RBFOX1: variants seen among roughly 807,000 people sequenced by gnomAD.
RBFOX1 encodes RNA binding fox-1 homolog 1, also known as RNA binding protein fox-1 homolog 1.
Under a neutral mutation model 57.7 loss-of-function variants are expected in RBFOX1, and 8 were observed. That is an observed-to-expected ratio of 0.14 (90% CI 0.08 to 0.25). The LOEUF (loss-of-function observed/expected upper bound fraction) is 0.25. Among genes scored for constraint, RBFOX1 ranks in the 10% least tolerant of loss-of-function variants. The probability of loss-of-function intolerance (pLI) is 1.00; values close to 1 mark genes in which losing one functional copy is unlikely to be tolerated. For synonymous variants in RBFOX1, 326 were observed against 222.4 expected, an observed-to-expected ratio of 1.47 and a Z score of -4.15; for missense variants, 611 against 548.5, an observed-to-expected ratio of 1.11 and a Z score of -1.14.
intron 4 of RBFOX1, among the ~76,000 whole-genome samples, chr16:7,156,239 C>T (rs970952229): frequency 2.7e-5 from 4 of 147,956 alleles, no homozygotes; most frequent in African/African-American, 1.0e-4. Flanking sequence ...TATACACACA[C>T]ATATATATGT....
At chr16:7,189,717 C>A (rs1014304016) in intron 4 of RBFOX1, among the ~76,000 whole-genome samples, 3 of 152,230 alleles carry the variant, frequency 2.0e-5, no homozygotes, top group Non-Finnish European at 4.4e-5. Context: ...CTGATGGGGT[C>A]TAGGTCAGCA....
chr16:7,288,153 A>G (rs1277001908), intron 4 of RBFOX1, among the ~76,000 whole-genome samples: 1 of 152,152 alleles, frequency 6.6e-6, no homozygotes, highest in Non-Finnish European at 1.5e-5. Context: ...GGTTTAAGAT[A>G]CCCACAAGCA....
At chr16:7,338,026 A>G (rs1395303159) in intron 4 of RBFOX1, among the ~76,000 whole-genome samples, 1 of 152,134 alleles carries the variant, frequency 6.6e-6, no homozygotes, top group Non-Finnish European at 1.5e-5. Context: ...TGCATCATTT[A>G]CCATTCCTTT....
At chr16:7,705,203 A>G (rs2082046143) in intron 14 of RBFOX1, among the ~76,000 whole-genome samples, 2 of 151,744 alleles carry the variant, frequency 1.3e-5, no homozygotes, top group Admixed American at 1.3e-4. Context: ...TGTGTGCAGG[A>G]ACGATCAAGA....
chr16:6,839,009 G>A (rs1162879654), intron 3 of RBFOX1, among the ~76,000 whole-genome samples: 3 of 151,186 alleles, frequency 2.0e-5, no homozygotes, highest in South Asian at 2.1e-4. Flanking sequence ...TTTTGTGACC[G>A]AGTCTTGCTC....
At chr16:7,594,812 C>G (rs2094605527) in intron 7 of RBFOX1, among the ~76,000 whole-genome samples, 1 of 152,086 alleles carries the variant, frequency 6.6e-6, no homozygotes, top group Non-Finnish European at 1.5e-5. Context: ...GGAAGGTTGT[C>G]AAATTCAAAA....
intron 2 of RBFOX1, among the ~76,000 whole-genome samples, chr16:6,648,685 A>G (rs2098553091): frequency 6.6e-6 from 1 of 151,946 alleles, no homozygotes; most frequent in Non-Finnish European, 1.5e-5. Flanking sequence ...CAAACCTCAT[A>G]TTTTTCACTT....
chr16:5,996,004 C>T (rs913216767), intron 4 of RBFOX1, among the ~76,000 whole-genome samples: 1 of 152,146 alleles, frequency 6.6e-6, no homozygotes, highest in Non-Finnish European at 1.5e-5. Flanking sequence ...TTTGTTTTCA[C>T]ATGGTGGAAG....
chr16:5,976,765 GGGC>G (rs2060071770), intron 4 of RBFOX1, among the ~76,000 whole-genome samples: 1 of 152,024 alleles, frequency 6.6e-6, no homozygotes, highest in African/African-American at 2.4e-5. Context: ...GCTACTTGGG[GGGC>G]TTAGCCAGGA....
intron 1 of RBFOX1, among the ~76,000 whole-genome samples, chr16:6,257,833 A>G (rs577129223): frequency 1.3e-5 from 2 of 152,226 alleles, no homozygotes; most frequent in South Asian, 2.1e-4. Flanking sequence ...ATTAATGGGC[A>G]TTTAGGTTGT....
chr16:5,652,555 C>A (rs1393253618), intron 3 of RBFOX1, among the ~76,000 whole-genome samples: 1 of 152,156 alleles, frequency 6.6e-6, no homozygotes, highest in Non-Finnish European at 1.5e-5. Context: ...TTGTGCTTCG[C>A]CAAGGCCATA....
At chr16:5,726,410 C>A (rs999226132) in intron 3 of RBFOX1, among the ~76,000 whole-genome samples, 1 of 152,166 alleles carries the variant, frequency 6.6e-6, no homozygotes, top group Admixed American at 6.5e-5. Context: ...CTCCCTGGGG[C>A]CCTAGACAAC....
At chr16:6,733,182 C>A (rs1254949605) in intron 3 of RBFOX1, among the ~76,000 whole-genome samples, 1 of 152,152 alleles carries the variant, frequency 6.6e-6, no homozygotes, top group Non-Finnish European at 1.5e-5. Flanking sequence ...TCCCATAGGT[C>A]ATTAGAAAGT....
chr16:6,358,886 C>T (rs76348801), intron 2 of RBFOX1, among the ~76,000 whole-genome samples: 2,603 of 152,150 alleles, frequency 0.017, 54 homozygotes, highest in African/African-American at 0.058. Context: ...GATTTATTGC[C>T]GGAGGGACAT....
At chr16:5,489,031 A>T (rs1377713326) in intron 2 of RBFOX1, among the ~76,000 whole-genome samples, 2 of 152,238 alleles carry the variant, frequency 1.3e-5, no homozygotes, top group Middle Eastern at 3.2e-3. Flanking sequence ...TTCATACATA[A>T]GAACGCCAAG....
In RBFOX1 at chr16:7,711,873, C is replaced by T. The variant is rs1273316680; in HGVS notation, c.*1128C>T. On this transcript the variant is annotated 3_prime_UTR_variant, in exon 16 of 16. Transcript: ENST00000550418. Reference sequence around the variant, plus strand: ...TCATGGTATTTTCATCAGCTTGGTACTTTTTGAAACGTGACTGCGTTGTGT... The same window carrying T: ...TCATGGTATTTTCATCAGCTTGGTATTTTTTGAAACGTGACTGCGTTGTGT... 2 of 152,558 alleles carry T rather than the reference C, an allele frequency of 1.3e-5. No individual in the cohort carries two copies. The highest frequency in any genetic ancestry group is 2.9e-5 in the Non-Finnish European group (2 of 68,008). The allele number at this position is 152,558 out of a possible 1,614,324, so 9.5% of individuals were successfully genotyped here.
chr16:7,205,373 C>G (rs1199794868), intron 4 of RBFOX1, among the ~76,000 whole-genome samples: 2 of 151,836 alleles, frequency 1.3e-5, no homozygotes, highest in Non-Finnish European at 2.9e-5. Flanking sequence ...CAAAAATTAG[C>G]TGGGTGTGGT....
intron 4 of RBFOX1, among the ~76,000 whole-genome samples, chr16:5,970,432 G>A (rs1201791797): frequency 6.6e-6 from 1 of 152,126 alleles, no homozygotes. Context: ...TAAAACCAAG[G>A]CAGTCTCCTC....
At chr16:6,174,574 G>A (rs1229386692) in intron 1 of RBFOX1, among the ~76,000 whole-genome samples, 2 of 152,056 alleles carry the variant, frequency 1.3e-5, no homozygotes, top group African/African-American at 4.8e-5. Flanking sequence ...CAGCCTGGGT[G>A]ACAGAGTGAG....
Sources: gnomAD v4.1 joint callset for allele counts (sites outside exome capture counted in the v4.1 genomes callset) on GRCh38, gnomAD v4.1.1 for gene constraint, MANE v1.5 for transcripts, NCBI Gene and HGNC (gene_info 2026-07-23, HGNC 2026-07-21) for gene names.